The following UBR1 variants were observed in gnomAD, a reference collection of about 807,000 sequenced individuals.
The protein encoded by UBR1 is E3 ubiquitin-protein ligase UBR1.
UBR1 carries 102 observed loss-of-function variants against 242.1 expected under a neutral mutation model. The observed-to-expected ratio is 0.42, with a 90% CI of 0.36 to 0.50. UBR1 has a LOEUF of 0.50. Among genes scored for constraint, UBR1 ranks in the 20% least tolerant of loss-of-function variants. The pLI, the probability that UBR1 is intolerant of heterozygous loss-of-function variation, is 0.01. For missense variants in UBR1, 1,772 were observed against 2,101.8 expected (o/e 0.84, Z 3.07); for synonymous variants, 675 against 684.8 (o/e 0.99, Z 0.22).
chr15:42,963,736 T>C (rs561410921), intron 42 of UBR1, among the ~76,000 whole-genome samples, 199 bp downstream of exon 42: 2 of 140,056 alleles, frequency 1.4e-5, no homozygotes, highest in African/African-American at 2.7e-5. Context: ...ATGATAGTTA[T>C]AGTGGAGCAA....
intron 12 of UBR1, among the ~76,000 whole-genome samples, chr15:43,052,731 GA>G (rs1372555697): frequency 6.6e-6 from 1 of 150,894 alleles, no homozygotes; most frequent in Admixed American, 6.6e-5. Flanking sequence ...TTTCTACAAT[GA>G]GAGACTGAGA....
In UBR1 at chr15:42,945,029, C is replaced by T. The variant is rs999297999; in HGVS notation, c.*300G>A. The T allele has an allele frequency of 1.6e-5, 6 of 383,790 alleles. No homozygotes were observed. Among genetic ancestry groups the T allele is most frequent in the Admixed American group, 7.7e-5 (2 of 26,004 alleles). 23.8% of individuals were successfully genotyped at this position (383,790 alleles called of 1,614,324 possible). ...ATATAAAATGTCTACAACTGTTTGACGTGACTTCATCTACCAAGTGGATGA... is the reference window on the plus strand; with the variant it reads ...ATATAAAATGTCTACAACTGTTTGATGTGACTTCATCTACCAAGTGGATGA... On this transcript the variant is annotated 3_prime_UTR_variant, in exon 47 of 47. Transcript: ENST00000290650.
At chr15:43,018,526 T>C (rs2033061415) in intron 27 of UBR1, among the ~76,000 whole-genome samples, 1 of 152,158 alleles carries the variant, frequency 6.6e-6, no homozygotes, top group South Asian at 2.1e-4. Context: ...TAGCTGGGAC[T>C]AGAGGCGCAC....
intron 14 of UBR1, among the ~76,000 whole-genome samples, chr15:43,046,051 C>A (rs2033481333): frequency 6.6e-6 from 1 of 152,098 alleles, no homozygotes; most frequent in Non-Finnish European, 1.5e-5. Flanking sequence ...TTGATAAGGG[C>A]AGAAGCCAGA....
At chr15:43,076,817 G>T (rs2033906555) in intron 3 of UBR1, among the ~76,000 whole-genome samples, 1 of 126,986 alleles carries the variant, frequency 7.9e-6, no homozygotes, top group Non-Finnish European at 1.7e-5. Context: ...CCGTCCGGGA[G>T]GTGAGGGGCG....
intron 33 of UBR1, 84 bp downstream of exon 33, chr15:42,998,084 A>C: frequency 8.1e-7 from 1 of 1,239,246 alleles, no homozygotes; most frequent in Non-Finnish European, 1.1e-6. Flanking sequence ...CTTGCAAACC[A>C]TATTTTAGCC....
intron 1 of UBR1, among the ~76,000 whole-genome samples, chr15:43,093,607 C>T (rs1041654828): frequency 1.3e-5 from 2 of 151,832 alleles, no homozygotes; most frequent in Non-Finnish European, 2.9e-5. Flanking sequence ...ATGGTAAAAC[C>T]CCATCTCTAC....
chr15:43,043,198 A>G lies in UBR1; in HGVS notation c.1849+17T>C, dbSNP rs2033441030. 1.2e-6 allele frequency: 2 copies of G among 1,613,946 alleles called. No individual in the cohort carries two copies. Among genetic ancestry groups the G allele is most frequent in the Non-Finnish European group, 1.7e-6 (2 of 1,179,992 alleles). On this transcript the variant is annotated intron_variant, in intron 15 of 46. Transcript: ENST00000290650. ...AAAGCTAATAGGTATATGCAAAAAGAAAAAACAAACACTCACCAGCAAGGG... is the reference window on the plus strand; with the variant it reads ...AAAGCTAATAGGTATATGCAAAAAGGAAAAACAAACACTCACCAGCAAGGG...
At chr15:43,006,106 G>GAAAAAAAAAAAAAAAA (rs1235960946) in intron 30 of UBR1, among the ~76,000 whole-genome samples, 2 of 111,466 alleles carry the variant, frequency 1.8e-5, no homozygotes, top group Non-Finnish European at 1.9e-5. Flanking sequence ...AAAAAAAAAA[G>GAAAAAAAAAAAAAAAA]AAAAAAAAAA....
At chr15:43,045,026 G>A (rs970005057) in intron 14 of UBR1, among the ~76,000 whole-genome samples, 2 of 152,158 alleles carry the variant, frequency 1.3e-5, no homozygotes, top group African/African-American at 4.8e-5. Context: ...AGTTAATGTT[G>A]AACATATAGA....
chr15:43,030,337 C>T (rs1400140441), intron 20 of UBR1, among the ~76,000 whole-genome samples: 2 of 152,154 alleles, frequency 1.3e-5, no homozygotes, highest in Non-Finnish European at 2.9e-5. Flanking sequence ...CATACATATT[C>T]GTATACATAC....
intron 2 of UBR1, among the ~76,000 whole-genome samples, chr15:43,083,470 T>C (rs1176825382): frequency 6.6e-6 from 1 of 152,068 alleles, no homozygotes; most frequent in Non-Finnish European, 1.5e-5. Flanking sequence ...AACCTCAGCC[T>C]CCCAGGTTCA....
At position 42,963,929 on chromosome 15, in the gene UBR1, T is replaced by C; in HGVS notation, c.4700+6A>G. The C allele has an allele frequency of 1.3e-6, 2 of 1,588,152 alleles. No individual in the cohort carries two copies. The highest frequency in any genetic ancestry group is 1.7e-6 in the Non-Finnish European group (2 of 1,156,632). ...ACCCAACAACAATATTTTATCCCCA[T>C]AGTACCTCTGGAGCAAGGGCCTTAC... On this transcript the variant is annotated splice_donor_region_variant and intron_variant, in intron 42 of 46. Transcript: ENST00000290650.
At chr15:42,954,399 A>G (rs1296393943) in intron 44 of UBR1, among the ~76,000 whole-genome samples, 1 of 152,162 alleles carries the variant, frequency 6.6e-6, no homozygotes, top group Non-Finnish European at 1.5e-5. Context: ...GGTCAATTTT[A>G]TACTGTAACA....
At chr15:43,044,425 A>G (rs541469292) in intron 14 of UBR1, among the ~76,000 whole-genome samples, 1 of 152,346 alleles carries the variant, frequency 6.6e-6, no homozygotes, top group Admixed American at 6.5e-5. Context: ...TATAAAATAT[A>G]TTTGAGATAA....
At chr15:42,978,711 A>G (rs2032326616) in intron 37 of UBR1, among the ~76,000 whole-genome samples, 3 of 151,412 alleles carry the variant, frequency 2.0e-5, no homozygotes, top group Non-Finnish European at 2.9e-5. Context: ...CAGACTAGGT[A>G]AATTTCTTTT....
rs560708905 is a variant in UBR1, at chr15:43,033,649, G to A, written c.2191-1018C>T. Among the ~76,000 whole-genome samples, 27 of 151,852 alleles carry A rather than the reference G, an allele frequency of 1.8e-4. No individual in the cohort carries two copies. In the South Asian group the frequency reaches 4.6e-3, roughly 26 times the overall value. ...AGCCTGGGCGACAGAGCGAGACTTC[G>A]TCTCAAAAAGGAAAAAAAAATTTAT... On this transcript the variant is annotated intron_variant, in intron 19 of 46. Coordinates refer to ENST00000290650, the MANE Select transcript of UBR1 (RefSeq NM_174916.3).
chr15:43,105,748 T>C (rs896422725), intron 1 of UBR1, among the ~76,000 whole-genome samples, 194 bp downstream of exon 1: 2 of 152,024 alleles, frequency 1.3e-5, no homozygotes, highest in African/African-American at 4.8e-5. Flanking sequence ...CATAACAAAG[T>C]CATTATATTC....
chr15:43,047,440 T>A, intron 13 of UBR1, 151 bp from the exon 14 acceptor site: 1 of 1,196,544 alleles, frequency 8.4e-7, no homozygotes, highest in Non-Finnish European at 1.2e-6. Context: ...AGCTCTCAGG[T>A]ATGTGCTCAG....
Sources: gnomAD v4.1 joint callset for allele counts (sites outside exome capture counted in the v4.1 genomes callset) on GRCh38, gnomAD v4.1.1 for gene constraint, MANE v1.5 for transcripts, NCBI Gene and HGNC (gene_info 2026-07-23, HGNC 2026-07-21) for gene names.